The following SRD5A3 variants were observed in gnomAD, a reference collection of about 807,000 sequenced individuals.
SRD5A3 encodes steroid 5 alpha-reductase 3.
A neutral mutation model predicts 34.3 loss-of-function variants in SRD5A3; 24 were observed. The observed-to-expected ratio is 0.70, with a 90% CI of 0.51 to 0.99. SRD5A3 has a LOEUF of 0.99. SRD5A3 is among the 50% of genes least tolerant of loss of function. The pLI, the probability that SRD5A3 is intolerant of heterozygous loss-of-function variation, is 0.00. For synonymous variants in SRD5A3, 161 were observed against 167.3 expected (o/e 0.96, Z 0.29); for missense variants, 350 against 388.2 (o/e 0.90, Z 0.83).
Position 55,364,138 on chromosome 4 carries a change from A to G in SRD5A3, c.429A>G (p.Arg143=). Residue 143 remains arginine (R), a synonymous_variant, in exon 3 of 5, where the codon AGA becomes AGG. Transcript: ENST00000264228. ...TTCTGTGGCTGCACAGCTTACGAAG[A>G]CTCTTCGAGTGCCTCTACGTCAGTG... The part of the protein sequence containing the change: ...LVFLWLHSLR[R]LFECLYVSVF... 6.2e-7 allele frequency: 1 copy of G among 1,613,984 alleles called. No individual in the cohort carries two copies. The highest frequency in any genetic ancestry group is 1.1e-5 in the South Asian group (1 of 91,074).
intron 3 of SRD5A3, chr4:55,365,591 T>C (rs372478646): frequency 2.4e-4 from 36 of 152,432 alleles, no homozygotes; most frequent in African/African-American, 8.2e-4. Context: ...TAGCGTGTTC[T>C]TGTTTGTTGG....
At chr4:55,368,399 TA>T (rs1719987345) in intron 4 of SRD5A3, among the ~76,000 whole-genome samples, 1 of 63,816 alleles carries the variant, frequency 1.6e-5, no homozygotes, top group Non-Finnish European at 3.0e-5. Flanking sequence ...TGAATAGTTT[TA>T]TTTATTTATT....
In SRD5A3 at chr4:55,370,233, A is replaced by T; in HGVS notation, c.*142A>T. The T allele has an allele frequency of 9.0e-7, 1 of 1,113,430 alleles. No individual in the cohort carries two copies. The highest frequency in any genetic ancestry group is 1.3e-6 in the Non-Finnish European group (1 of 750,380). The allele number at this position is 1,113,430 out of a possible 1,614,324, so 69.0% of individuals were successfully genotyped here. A position where few individuals can be genotyped will look rare whatever the true frequency, so the allele number is the denominator to read the frequency against. On this transcript the variant is annotated 3_prime_UTR_variant, in exon 5 of 5. Coordinates refer to ENST00000264228, the MANE Select transcript of SRD5A3 (RefSeq NM_024592.5). ...TCTATACCCCACAAGTTTTCACTGA[A>T]TGAGCATGGCAGTGCCACTCAAGAA...
intron 1 of SRD5A3, among the ~76,000 whole-genome samples, chr4:55,355,215 T>C (rs1157396531): frequency 1.3e-5 from 2 of 152,088 alleles, no homozygotes; most frequent in East Asian, 1.9e-4. Context: ...TCCCAGCACT[T>C]TGGGAGGCCG....
At chr4:55,347,989 C>G (rs544107999) in intron 1 of SRD5A3, among the ~76,000 whole-genome samples, 19 of 152,292 alleles carry the variant, frequency 1.2e-4, no homozygotes, top group Admixed American at 1.0e-3. Flanking sequence ...GAGAAAGGTA[C>G]TAGTCTAGTG....
At chr4:55,352,063 C>G in intron 1 of SRD5A3, 1 of 772,244 alleles carries the variant, frequency 1.3e-6, no homozygotes, top group Non-Finnish European at 2.4e-6. Context: ...CTCCATACTT[C>G]TGCTCCAATT....
chr4:55,349,468 C>T (rs1036757782), intron 1 of SRD5A3, among the ~76,000 whole-genome samples: 3 of 151,632 alleles, frequency 2.0e-5, no homozygotes, highest in Admixed American at 6.6e-5. Context: ...TTCTTTCCTA[C>T]GGAGGCAAGA....
chr4:55,367,121 T>C (rs1719929365), intron 3 of SRD5A3: 1 of 209,922 alleles, frequency 4.8e-6, no homozygotes, highest in East Asian at 1.2e-4. Flanking sequence ...CCTAGCAGGA[T>C]GGTAGCTCAG....
rs1718987185 is a variant in SRD5A3 at position 55,346,283 on chromosome 4, G to A, written c.-54G>A. Reference sequence around the variant, plus strand: ...GCCGCGCGCTAGTGGCCGCTCTTCCGCGGGCTAGCGGGCGGTGGGGGCGCC... The same window carrying A: ...GCCGCGCGCTAGTGGCCGCTCTTCCACGGGCTAGCGGGCGGTGGGGGCGCC... On this transcript the variant is annotated 5_prime_UTR_variant, in exon 1 of 5. Coordinates refer to ENST00000264228, the MANE Select transcript of SRD5A3 (RefSeq NM_024592.5). 5.9e-6 allele frequency: 8 copies of A among 1,347,288 alleles called. No homozygotes were observed. The South Asian group carries it at 1.5e-4, about 25-fold the overall frequency. 83.5% of individuals were successfully genotyped at this position (1,347,288 alleles called of 1,614,324 possible). A position where few individuals can be genotyped will look rare whatever the true frequency, so the allele number is the denominator to read the frequency against.
intron 2 of SRD5A3, among the ~76,000 whole-genome samples, chr4:55,361,794 A>C (rs1391535316): frequency 6.6e-6 from 1 of 151,568 alleles, no homozygotes; most frequent in Non-Finnish European, 1.5e-5. Flanking sequence ...ACAGAGTGAG[A>C]CTCCATCTAA....
intron 1 of SRD5A3, among the ~76,000 whole-genome samples, chr4:55,358,341 G>A (rs1452515294): frequency 2.0e-5 from 3 of 151,946 alleles, no homozygotes; most frequent in African/African-American, 7.3e-5. Context: ...GACCAGCCTG[G>A]GCAGCATAGG....
Position 55,358,550 on chromosome 4 carries a change from A to AG in SRD5A3, c.222-796_222-795insG, listed in dbSNP as rs1242666448. On this transcript the variant is annotated intron_variant, in intron 1 of 4. Transcript: ENST00000264228. The stretch of plus-strand genomic sequence containing the variant: ...GACCCTGTCTCAAAAAAAAAAAAAA[A>AG]AAAAAAAGAAGAAGAAGAACCTGCT... Among the ~76,000 whole-genome samples the AG allele has an allele frequency of 1.4e-4, 19 of 138,348 alleles. No homozygotes were observed. In the East Asian group the frequency reaches 3.2e-3, roughly 24 times the overall value. The allele number at this position is 138,348 out of a possible 152,430, so 90.8% of individuals were successfully genotyped here. A position where few individuals can be genotyped will look rare whatever the true frequency, so the allele number is the denominator to read the frequency against.
At chr4:55,347,052 T>G (rs1198781087) in intron 1 of SRD5A3, among the ~76,000 whole-genome samples, 3 of 152,182 alleles carry the variant, frequency 2.0e-5, no homozygotes, top group African/African-American at 7.2e-5. Context: ...TTCCCAACCC[T>G]TGCAGTGGGG....
In SRD5A3 at chr4:55,370,048, C is replaced by T. The variant is rs1720063080; in HGVS notation, c.914C>T (p.Ser305Phe). 6.2e-7 allele frequency: 1 copy of T among 1,614,026 alleles called. No homozygotes were observed. Among genetic ancestry groups the T allele is most frequent in the Non-Finnish European group, 8.5e-7 (1 of 1,180,036 alleles). The change falls in exon 5 of 5, where the codon TCT (serine) becomes TTT (phenylalanine). Residue 305 changes from serine (S) to phenylalanine (F), a missense_variant. Ser to Phe is a radical substitution (Grantham distance 155). This residue lies in a region of SRD5A3 where 186 missense variants were observed against 221.4 expected (regional missense o/e 0.84). Coordinates refer to ENST00000264228, the MANE Select transcript of SRD5A3 (RefSeq NM_024592.5). ...CAATTCTACAAAAGCAAATTTGTCT[C>T]TTACCCGAAGCATAGGAAAGCTTTC... ...SHQFYKSKFV[S>F]YPKHRKAFLP... is the part of the protein sequence containing the mutation.
At chr4:55,347,191 C>A (rs1719029403) in intron 1 of SRD5A3, among the ~76,000 whole-genome samples, 1 of 152,214 alleles carries the variant, frequency 6.6e-6, no homozygotes, top group Non-Finnish European at 1.5e-5. Flanking sequence ...TAACCCAGTT[C>A]AGCGAAGGAT....
At chr4:55,355,676 A>G (rs558063501) in intron 1 of SRD5A3, among the ~76,000 whole-genome samples, 2 of 152,288 alleles carry the variant, frequency 1.3e-5, no homozygotes, top group East Asian at 1.9e-4. Context: ...AAGGCTGGAA[A>G]AGCAAGTTCA....
At chr4:55,359,107 G>T in intron 1 of SRD5A3, 1 of 510,030 alleles carries the variant, frequency 2.0e-6, no homozygotes, top group Non-Finnish European at 3.5e-6. Flanking sequence ...TAACACAGTT[G>T]GTTGTGTTCT....
rs527650050 is a variant in SRD5A3 at position 55,371,491 on chromosome 4, G to A, written c.*1400G>A. The stretch of plus-strand genomic sequence containing the variant: ...TTAAGTTTATTCCTTTTATGAAGAT[G>A]TCCTATTACAGTCAGCTAAGCACTA... On this transcript the variant is annotated 3_prime_UTR_variant, in exon 5 of 5. Transcript: ENST00000264228. The A allele has an allele frequency of 1.3e-5, 2 of 152,288 alleles. No individual in the cohort carries two copies. Among genetic ancestry groups the A allele is most frequent in the South Asian group, 2.1e-4 (1 of 4,824 alleles). The allele number at this position is 152,288 out of a possible 1,614,324, so 9.4% of individuals were successfully genotyped here.
intron 1 of SRD5A3, 83 bp downstream of exon 1, chr4:55,346,640 G>C (rs1719009367): frequency 7.6e-7 from 1 of 1,315,864 alleles, no homozygotes; most frequent in Non-Finnish European, 1.0e-6. Flanking sequence ...CCAGCAGGGG[G>C]CAGCAGAGGC....
Sources: allele counts gnomAD v4.1 joint callset (sites outside exome capture counted in the v4.1 genomes callset), GRCh38; gene constraint gnomAD v4.1.1; regional missense constraint gnomAD v4.1.1; transcripts MANE v1.5; gene names NCBI Gene and HGNC (gene_info 2026-07-23, HGNC 2026-07-21).